NRXN3: variants seen among roughly 807,000 people sequenced by gnomAD.
The protein encoded by NRXN3 is neurexin 3.
In NRXN3, 32 loss-of-function variants were observed where a neutral mutation model predicts 137.6. The observed-to-expected ratio is 0.23, with a 90% confidence interval of 0.18 to 0.31. The LOEUF (loss-of-function observed/expected upper bound fraction) is 0.31, where lower values mean the gene tolerates loss of function less well. Among genes scored for constraint, NRXN3 ranks in the 10% least tolerant of loss-of-function variants. The probability of loss-of-function intolerance (pLI) is 1.00; values close to 1 mark genes in which losing one functional copy is unlikely to be tolerated. For synonymous variants in NRXN3, 798 were observed against 784.5 expected, an observed-to-expected ratio of 1.02 and a Z score of -0.29; for missense variants, 1,574 against 2,062.5, an observed-to-expected ratio of 0.76 and a Z score of 4.59.
chr14:78,976,547 GAA>G (rs2153032663), intron 14 of NRXN3, among the ~76,000 whole-genome samples: 2 of 152,276 alleles, frequency 1.3e-5, no homozygotes, highest in Non-Finnish European at 2.9e-5. Flanking sequence ...TTACTATGAT[GAA>G]TATTGTCCTC....
At chr14:79,525,409 A>T (rs1424590551) in intron 16 of NRXN3, among the ~76,000 whole-genome samples, 1 of 152,036 alleles carries the variant, frequency 6.6e-6, no homozygotes, top group Non-Finnish European at 1.5e-5. Flanking sequence ...CCAACTCATG[A>T]TCAGAATTTC....
intron 19 of NRXN3, among the ~76,000 whole-genome samples, chr14:79,720,195 C>T (rs1170641697): frequency 2.0e-5 from 3 of 152,016 alleles, no homozygotes; most frequent in Non-Finnish European, 4.4e-5. Flanking sequence ...TGTCAGCAGG[C>T]AAGAGTGTGT....
chr14:78,935,892 C>A (rs1278880868), intron 10 of NRXN3, among the ~76,000 whole-genome samples: 2 of 152,160 alleles, frequency 1.3e-5, no homozygotes, highest in South Asian at 2.1e-4. Flanking sequence ...GTCACCTCAA[C>A]CATCTCTTCT....
chr14:78,297,625 G>A (rs879303848), intron 3 of NRXN3, among the ~76,000 whole-genome samples: 3 of 152,194 alleles, frequency 2.0e-5, no homozygotes, highest in Non-Finnish European at 2.9e-5. Flanking sequence ...CCAGCAGCAG[G>A]AAGGCTGGGG....
chr14:79,188,123 C>G (rs11159400), intron 15 of NRXN3, among the ~76,000 whole-genome samples: 2 of 152,116 alleles, frequency 1.3e-5, no homozygotes, highest in Admixed American at 6.5e-5. Flanking sequence ...CTGTAACATG[C>G]TTTGAGTCAT....
At chr14:79,322,543 C>A (rs2090200914) in intron 15 of NRXN3, among the ~76,000 whole-genome samples, 1 of 151,908 alleles carries the variant, frequency 6.6e-6, no homozygotes, top group Non-Finnish European at 1.5e-5. Context: ...TTCTAGATGG[C>A]AAAACTGAAA....
At chr14:78,308,154 C>G (rs1442291368) in intron 4 of NRXN3, among the ~76,000 whole-genome samples, 2 of 151,890 alleles carry the variant, frequency 1.3e-5, no homozygotes, top group Non-Finnish European at 2.9e-5. Flanking sequence ...CCATTGTGTG[C>G]ATGTGCATGC....
chr14:78,173,014 C>T (rs1245480788), intron 1 of NRXN3, among the ~76,000 whole-genome samples: 1 of 152,038 alleles, frequency 6.6e-6, no homozygotes, highest in African/African-American at 2.4e-5. Flanking sequence ...TTGAGGTGGA[C>T]TGATGCTTGG....
chr14:79,184,567 A>T (rs1249026905), intron 15 of NRXN3, among the ~76,000 whole-genome samples: 1 of 152,140 alleles, frequency 6.6e-6, no homozygotes, highest in Non-Finnish European at 1.5e-5. Flanking sequence ...TTTAAGGAAC[A>T]TCTCCCTCCC....
intron 8 of NRXN3, among the ~76,000 whole-genome samples, chr14:78,778,404 C>T (rs1357838047): frequency 6.6e-6 from 1 of 152,112 alleles, no homozygotes; most frequent in African/African-American, 2.4e-5. Context: ...ATACTGCTTC[C>T]TTGGTGCAGT....
At chr14:79,306,877 A>G (rs1163561521) in intron 15 of NRXN3, among the ~76,000 whole-genome samples, 2 of 152,100 alleles carry the variant, frequency 1.3e-5, no homozygotes, top group Non-Finnish European at 2.9e-5. Flanking sequence ...AACAGATTCT[A>G]GTTTTCCCCA....
chr14:78,841,530 A>G (rs1425537639), intron 10 of NRXN3, among the ~76,000 whole-genome samples: 3 of 152,000 alleles, frequency 2.0e-5, no homozygotes, highest in African/African-American at 7.2e-5. Context: ...AAACTCAGAT[A>G]CTTTTCTCAA....
chr14:79,853,943 C>T (rs2293842), intron 20 of NRXN3: 101,980 of 987,444 alleles, frequency 0.1, 6,195 homozygotes, highest in East Asian at 0.38. Flanking sequence ...CCCTCCCAAA[C>T]CCCCCAAAGT....
At chr14:79,192,981 G>C (rs747475661) in intron 15 of NRXN3, among the ~76,000 whole-genome samples, 3 of 151,860 alleles carry the variant, frequency 2.0e-5, no homozygotes, top group Non-Finnish European at 4.4e-5. Flanking sequence ...ATATTGGCCA[G>C]GCTGGTCTCA....
chr14:78,702,307 A>G (rs564497443), intron 6 of NRXN3, among the ~76,000 whole-genome samples: 94 of 144,156 alleles, frequency 6.5e-4, no homozygotes, highest in African/African-American at 2.2e-3. Flanking sequence ...ATAAATAAAT[A>G]ATATATAACT....
intron 16 of NRXN3, among the ~76,000 whole-genome samples, chr14:79,650,618 T>C (rs2098471363): frequency 1.3e-5 from 2 of 152,156 alleles, no homozygotes; most frequent in Admixed American, 1.3e-4. Flanking sequence ...AAGTATCGTT[T>C]ACACTCTTGA....
chr14:79,712,562 G>A (rs1020431387), intron 19 of NRXN3, among the ~76,000 whole-genome samples: 1 of 152,156 alleles, frequency 6.6e-6, no homozygotes, highest in African/African-American at 2.4e-5. Flanking sequence ...TTCTACCTCT[G>A]ACAAAACATT....
At chr14:78,755,181 A>C (rs752058029) in intron 8 of NRXN3, among the ~76,000 whole-genome samples, 30 of 143,342 alleles carry the variant, frequency 2.1e-4, no homozygotes, top group Non-Finnish European at 3.1e-4. Flanking sequence ...ATGCCTGGCT[A>C]GTTTTTGTAT....
At chr14:78,664,047 A>G (rs2097861709) in intron 6 of NRXN3, among the ~76,000 whole-genome samples, 1 of 152,192 alleles carries the variant, frequency 6.6e-6, no homozygotes, top group African/African-American at 2.4e-5. Context: ...ATAGATTTCA[A>G]GAGAGATACA....
Sources: allele counts gnomAD v4.1 joint callset (sites outside exome capture counted in the v4.1 genomes callset), GRCh38; gene constraint gnomAD v4.1.1; transcripts MANE v1.5; gene names NCBI Gene and HGNC (gene_info 2026-07-23, HGNC 2026-07-21).